The following C8orf88 variants were observed in gnomAD, a reference collection of about 807,000 sequenced individuals.
C8orf88 encodes uncharacterized protein C8orf88.
Under a neutral mutation model 18.4 loss-of-function variants are expected in C8orf88, and 14 were observed. That is an observed-to-expected ratio of 0.76 (90% confidence interval 0.50 to 1.19). The LOEUF (loss-of-function observed/expected upper bound fraction) is 1.19, where lower values mean the gene tolerates loss of function less well. C8orf88 is among the 50% of genes most tolerant of loss of function. The pLI is 0.00. For synonymous variants in C8orf88, 45 were observed against 42.9 expected (o/e 1.05, Z -0.19); for missense variants, 116 against 134.7 (o/e 0.86, Z 0.69).
intron 5 of C8orf88, among the ~76,000 whole-genome samples, chr8:90,960,261 A>C (rs949519698): frequency 6.6e-6 from 1 of 151,530 alleles, no homozygotes; most frequent in Admixed American, 6.6e-5. Flanking sequence ...AATACATGAG[A>C]TGATTTGTTA....
At chr8:90,982,809 T>C (rs750150200) in intron 1 of C8orf88, among the ~76,000 whole-genome samples, 2 of 152,164 alleles carry the variant, frequency 1.3e-5, no homozygotes, top group African/African-American at 2.4e-5. Flanking sequence ...ACTGACATTA[T>C]AGGGGACAAG....
chr8:90,960,710 A>G, intron 5 of C8orf88, 32 bp downstream of exon 5: 2 of 1,230,732 alleles, frequency 1.6e-6, no homozygotes, highest in Non-Finnish European at 2.3e-6. Context: ...TTGTAATATA[A>G]TATTACAATA....
rs200664854 is a variant in C8orf88 at position 90,962,139 on chromosome 8, T to G, written c.224-1291A>C. ...GAGGAAAAATTAACTTACCAAAAAT[T>G]TTGGGTCTGGCTTCTTTCATTTAAC... On this transcript the variant is annotated intron_variant, in intron 4 of 5. Transcript: ENST00000517562. 4.5e-4 allele frequency among the ~76,000 whole-genome samples: 68 copies of G among 151,672 alleles called. No individual in the cohort carries two copies. The East Asian group carries it at 0.011, about 24-fold the overall frequency.
At chr8:90,978,686 C>T in intron 2 of C8orf88, 34 bp from the exon 3 acceptor site, 1 of 1,216,498 alleles carries the variant, frequency 8.2e-7, no homozygotes, top group Non-Finnish European at 1.1e-6. Flanking sequence ...TTTCATAGAT[C>T]TATTATTTCA....
At chr8:90,970,938 T>A in intron 4 of C8orf88, 128 bp downstream of exon 4, 1 of 536,540 alleles carries the variant, frequency 1.9e-6, no homozygotes, top group Non-Finnish European at 3.1e-6. Context: ...CTCATATAGA[T>A]AGAAATCAAT....
chr8:90,961,457 T>C (rs191315756), intron 4 of C8orf88, among the ~76,000 whole-genome samples: 5 of 150,940 alleles, frequency 3.3e-5, no homozygotes, highest in Admixed American at 2.0e-4. Flanking sequence ...ATATTTTTAA[T>C]GTGCTAAAAG....
chr8:90,962,439 C>T (rs1811141278), intron 4 of C8orf88, among the ~76,000 whole-genome samples: 1 of 151,420 alleles, frequency 6.6e-6, no homozygotes, highest in African/African-American at 2.4e-5. Flanking sequence ...ACAAAAACAA[C>T]AAGTAAGCTC....
chr8:90,980,876 A>T (rs1051182047), intron 1 of C8orf88, among the ~76,000 whole-genome samples: 1 of 151,986 alleles, frequency 6.6e-6, no homozygotes, highest in African/African-American at 2.4e-5. Context: ...TTTTTTAAAG[A>T]TGGGGTCTCA....
intron 5 of C8orf88, 33 bp downstream of exon 5, chr8:90,960,709 A>G (rs1811113236): frequency 8.4e-7 from 1 of 1,194,022 alleles, no homozygotes; most frequent in South Asian, 1.4e-5. Flanking sequence ...TTTGTAATAT[A>G]ATATTACAAT....
chr8:90,960,735 T>G lies in C8orf88; in HGVS notation c.330+7A>C. 6.7e-7 allele frequency: 1 copy of G among 1,486,086 alleles called. No homozygotes were observed. The highest frequency in any genetic ancestry group is 9.0e-7 in the Non-Finnish European group (1 of 1,109,876). The allele number at this position is 1,486,086 out of a possible 1,614,324, so 92.1% of individuals were successfully genotyped here. ...ATATTACAATACAAACTTAGAAAAC[T>G]ACTTACTGGTTTTTGCAGTACAATG... On this transcript the variant is annotated splice_region_variant and intron_variant, in intron 5 of 5. Transcript: ENST00000517562.
At chr8:90,962,153 CTTTCA>C (rs1811136596) in intron 4 of C8orf88, among the ~76,000 whole-genome samples, 1 of 151,568 alleles carries the variant, frequency 6.6e-6, no homozygotes, top group Non-Finnish European at 1.5e-5. Flanking sequence ...GGTCTGGCTT[CTTTCA>C]TTTAACATTT....
At chr8:90,975,611 T>G (rs1311755838) in intron 3 of C8orf88, among the ~76,000 whole-genome samples, 1 of 152,094 alleles carries the variant, frequency 6.6e-6, no homozygotes, top group East Asian at 1.9e-4. Flanking sequence ...ACTTACACAC[T>G]AAAATGGCTA....
At chr8:90,959,921 TA>T (rs1236001916) in intron 5 of C8orf88, among the ~76,000 whole-genome samples, 1 of 151,432 alleles carries the variant, frequency 6.6e-6, no homozygotes, top group Non-Finnish European at 1.5e-5. Context: ...ACTAAAAGCA[TA>T]ATGAGAGAAA....
intron 3 of C8orf88, among the ~76,000 whole-genome samples, chr8:90,972,246 ATTGAAACAAGAATGTAGAAAATTC>A (rs1811293780): frequency 6.6e-6 from 1 of 152,066 alleles, no homozygotes; most frequent in Non-Finnish European, 1.5e-5. Context: ...ATTCTACACT[ATTGAAACAAGAATGTAGAAAATTC>A]TTGAAACAAG....
chr8:90,979,929 AACT>A (rs1286757564), intron 2 of C8orf88, among the ~76,000 whole-genome samples: 1 of 152,250 alleles, frequency 6.6e-6, no homozygotes, highest in Non-Finnish European at 1.5e-5. Context: ...AGTATGACAC[AACT>A]ACTACAGAAC....
intron 1 of C8orf88, 55 bp from the exon 2 acceptor site, chr8:90,980,516 T>C (rs998325179): frequency 6.9e-6 from 5 of 727,206 alleles, no homozygotes; most frequent in Admixed American, 6.3e-5. Flanking sequence ...CAAGATGCTT[T>C]ACATGTATAC....
intron 1 of C8orf88, among the ~76,000 whole-genome samples, chr8:90,982,205 A>G (rs1811444099): frequency 6.6e-6 from 1 of 152,120 alleles, no homozygotes; most frequent in Non-Finnish European, 1.5e-5. Flanking sequence ...TTTTTGTGCA[A>G]TACAATTGGA....
chr8:90,983,557 GATA>G (rs1233006706), intron 1 of C8orf88, among the ~76,000 whole-genome samples: 1 of 152,008 alleles, frequency 6.6e-6, no homozygotes, highest in Non-Finnish European at 1.5e-5. Flanking sequence ...AATACAATGG[GATA>G]ATAAGCAGAT....
intron 4 of C8orf88, among the ~76,000 whole-genome samples, chr8:90,963,845 A>T (rs1293899738): frequency 6.6e-6 from 1 of 151,682 alleles, no homozygotes. Flanking sequence ...ATACCAACAA[A>T]TAAATAATGG....
Sources: gnomAD v4.1 joint callset for allele counts (sites outside exome capture counted in the v4.1 genomes callset) on GRCh38, gnomAD v4.1.1 for gene constraint, MANE v1.5 for transcripts, NCBI Gene and HGNC (gene_info 2026-07-23, HGNC 2026-07-21) for gene names.